SPPL3: variants seen among roughly 807,000 people sequenced by gnomAD.
The protein encoded by SPPL3 is signal peptide peptidase-like 3.
Under a neutral mutation model 42.4 loss-of-function variants are expected in SPPL3, and 5 were observed. The observed-to-expected ratio is 0.12, with a 90% CI of 0.06 to 0.25. The LOEUF is 0.25. SPPL3 is among the 10% of genes least tolerant of loss of function. SPPL3 has a pLI of 1.00. For synonymous variants in SPPL3, 195 were observed against 181.8 expected (o/e 1.07, Z -0.58); for missense variants, 235 against 489.0 (o/e 0.48, Z 4.90).
intron 1 of SPPL3, among the ~76,000 whole-genome samples, chr12:120,853,334 G>C (rs1872326335): frequency 6.6e-6 from 1 of 152,124 alleles, no homozygotes; most frequent in Admixed American, 6.6e-5. Context: ...TACAAGCAGA[G>C]AATTCCTGTT....
intron 1 of SPPL3, among the ~76,000 whole-genome samples, chr12:120,887,676 T>G (rs1178114015): frequency 6.6e-6 from 1 of 152,236 alleles, no homozygotes; most frequent in Admixed American, 6.5e-5. Flanking sequence ...CACAAGATTT[T>G]TAGTTGACTA....
At chr12:120,824,644 T>C (rs1444829664) in intron 1 of SPPL3, among the ~76,000 whole-genome samples, 2 of 152,262 alleles carry the variant, frequency 1.3e-5, no homozygotes, top group East Asian at 3.9e-4. Context: ...GATCCTCTCA[T>C]GTCAGCCTCC....
intron 2 of SPPL3, among the ~76,000 whole-genome samples, chr12:120,808,948 T>C (rs1870590743): frequency 6.6e-6 from 1 of 152,232 alleles, no homozygotes; most frequent in South Asian, 2.1e-4. Context: ...AGGGTAGAGA[T>C]GCAAAATATC....
At chr12:120,839,799 A>G (rs1263029730) in intron 1 of SPPL3, among the ~76,000 whole-genome samples, 1 of 152,138 alleles carries the variant, frequency 6.6e-6, no homozygotes, top group Admixed American at 6.5e-5. Context: ...TGACCCAGCA[A>G]TCCCACTCCT....
rs908399428 is a variant in SPPL3, at chr12:120,764,879, C to T, written c.*120G>A. The T allele has an allele frequency of 2.9e-6, 3 of 1,048,704 alleles. No homozygotes were observed. The highest frequency in any genetic ancestry group is 1.6e-5 in the African/African-American group (1 of 61,600). The allele number at this position is 1,048,704 out of a possible 1,614,324, so 65.0% of individuals were successfully genotyped here. A position where few individuals can be genotyped will look rare whatever the true frequency, so the allele number is the denominator to read the frequency against. ...TCCCTTTAAATGCCAAATCCAGTCA[C>T]ACGGCAGTTCCTTAAACACAGGTAC... On this transcript the variant is annotated 3_prime_UTR_variant, in exon 11 of 11. Transcript: ENST00000353487.
Position 120,783,715 on chromosome 12 carries a change from C to T in SPPL3, c.348G>A (p.Pro116=), listed in dbSNP as rs60238091. 0.021 allele frequency: 33,494 copies of T among 1,613,006 alleles called. 3,487 individuals are homozygous for T. In the African/African-American group the frequency reaches 0.29, roughly 14 times the overall value. ...ATIAFAFLLL[P]MCQYLTRPCS... The stretch of plus-strand genomic sequence containing the variant: ...AGGGTCTTGTTAAATACTGGCACAT[C>T]GGGAGGAGAAGAAAAGCAAAAGCTA... Residue 116 remains proline, a synonymous_variant, in exon 5 of 11, where the codon CCG becomes CCA. Transcript: ENST00000353487.
At chr12:120,817,131 T>TA (rs1717884032) in intron 1 of SPPL3, among the ~76,000 whole-genome samples, 1 of 144,998 alleles carries the variant, frequency 6.9e-6, no homozygotes, top group African/African-American at 2.7e-5. Flanking sequence ...CTATGAAAAA[T>TA]TAAAAAAAAA....
At chr12:120,791,080 A>AC (rs1869898561) in intron 3 of SPPL3, among the ~76,000 whole-genome samples, 1 of 151,868 alleles carries the variant, frequency 6.6e-6, no homozygotes, top group African/African-American at 2.4e-5. Flanking sequence ...TTGGCCTCCC[A>AC]AAGTGCTGGA....
intron 2 of SPPL3, among the ~76,000 whole-genome samples, chr12:120,792,281 C>T (rs139645022): frequency 3.4e-4 from 52 of 152,238 alleles, no homozygotes; most frequent in African/African-American, 1.1e-3. Context: ...AAAAATGGCA[C>T]GTCACTTTGA....
In SPPL3 at chr12:120,872,509, C is replaced by T. The variant is rs75333725; in HGVS notation, c.23+31336G>A. ...AACCAAATCCAAGGGTCTCAATGCA[C>T]TGAGGAGCCAACAGAGCTGGGGGAA... On this transcript the variant is annotated intron_variant, in intron 1 of 10. Coordinates refer to ENST00000353487, the MANE Select transcript of SPPL3 (RefSeq NM_139015.5). Among the ~76,000 whole-genome samples, 62 of 152,274 alleles carry T rather than the reference C, an allele frequency of 4.1e-4. 1 individual carries two copies. In the East Asian group the frequency reaches 0.012, roughly 28 times the overall value.
At chr12:120,781,456 GGTTATATATAACAT>G (rs974475831) in intron 6 of SPPL3, among the ~76,000 whole-genome samples, 1 of 147,008 alleles carries the variant, frequency 6.8e-6, no homozygotes, top group African/African-American at 2.5e-5. Context: ...ACATAATGCA[GGTTATATATAACAT>G]GTTATATTAC....
intron 1 of SPPL3, among the ~76,000 whole-genome samples, chr12:120,873,834 T>C (rs1873000068): frequency 6.6e-6 from 1 of 151,984 alleles, no homozygotes; most frequent in African/African-American, 2.4e-5. Flanking sequence ...ATCATGCCAC[T>C]GCACTCCAGC....
chr12:120,842,699 G>A (rs1248499613), intron 1 of SPPL3, among the ~76,000 whole-genome samples: 1 of 151,882 alleles, frequency 6.6e-6, no homozygotes, highest in Non-Finnish European at 1.5e-5. Flanking sequence ...TCTTTTATAA[G>A]GGCACTAATC....
chr12:120,823,825 T>C (rs558795020), intron 1 of SPPL3, among the ~76,000 whole-genome samples: 2 of 152,312 alleles, frequency 1.3e-5, no homozygotes, highest in East Asian at 1.9e-4. Context: ...TTAACCTATT[T>C]GTTTTACTAT....
At chr12:120,790,486 T>C (rs559210041) in intron 3 of SPPL3, among the ~76,000 whole-genome samples, 2 of 152,360 alleles carry the variant, frequency 1.3e-5, no homozygotes, top group Admixed American at 6.5e-5. Context: ...TCCTCTCTCT[T>C]AGGTGGCGAC....
chr12:120,875,842 C>T (rs1873070229), intron 1 of SPPL3, among the ~76,000 whole-genome samples: 1 of 151,988 alleles, frequency 6.6e-6, no homozygotes, highest in Admixed American at 6.6e-5. Flanking sequence ...CGGCCACATG[C>T]TATGTATAAG....
chr12:120,803,664 A>AAGTT (rs1192263169), intron 2 of SPPL3, among the ~76,000 whole-genome samples: 2 of 152,282 alleles, frequency 1.3e-5, no homozygotes, highest in East Asian at 3.9e-4. Flanking sequence ...TACATGGTTA[A>AAGTT]AGTTAGGTTA....
chr12:120,903,921 G>A lies in SPPL3; in HGVS notation c.-54C>T. 1 of 1,313,180 alleles carries A rather than the reference G, an allele frequency of 7.6e-7. No individual in the cohort carries two copies. The allele number at this position is 1,313,180 out of a possible 1,614,324, so 81.3% of individuals were successfully genotyped here. The stretch of plus-strand genomic sequence containing the variant: ...GGCTGTGGCCGGGCCCGGCGGCGGC[G>A]GGCTCGCTCGGGCCGTAGCTGAAGG... On this transcript the variant is annotated 5_prime_UTR_variant, in exon 1 of 11. Transcript: ENST00000353487.
intron 1 of SPPL3, among the ~76,000 whole-genome samples, chr12:120,875,324 A>G (rs984099805): frequency 2.6e-5 from 4 of 152,238 alleles, no homozygotes; most frequent in Admixed American, 6.5e-5. Flanking sequence ...GTGAAATAGT[A>G]TAACATTATT....
Sources: gnomAD v4.1 joint callset for allele counts (sites outside exome capture counted in the v4.1 genomes callset) on GRCh38, gnomAD v4.1.1 for gene constraint, MANE v1.5 for transcripts, NCBI Gene and HGNC (gene_info 2026-07-23, HGNC 2026-07-21) for gene names.